BCL11A: variants seen among roughly 807,000 people sequenced by gnomAD.
The protein encoded by BCL11A is BCL11 transcription factor A, also known as B cell CLL/lymphoma 11A.
A neutral mutation model predicts 55.9 loss-of-function variants in BCL11A; 2 were observed. That is an observed-to-expected ratio of 0.04 (90% CI 0.01 to 0.11). The LOEUF (loss-of-function observed/expected upper bound fraction) is 0.11. Ranked by LOEUF, BCL11A falls within the 10% of genes least tolerant of loss-of-function variation. The pLI is 1.00. For synonymous variants in BCL11A, 465 were observed against 473.4 expected (o/e 0.98, Z 0.23); for missense variants, 817 against 1,137.1 (o/e 0.72, Z 4.05).
chr2:60,545,792 A>G, intron 2 of BCL11A, 179 bp downstream of exon 2: 3 of 614,194 alleles, frequency 4.9e-6, no homozygotes, highest in South Asian at 2.0e-5. Flanking sequence ...GAAAATATTT[A>G]TTTTTCTGTG....
chr2:60,507,830 C>T (rs1365629705), intron 2 of BCL11A, among the ~76,000 whole-genome samples: 2 of 152,116 alleles, frequency 1.3e-5, no homozygotes, highest in South Asian at 2.1e-4. Flanking sequence ...ATACAGGACA[C>T]GTCTTCACAG....
chr2:60,452,400 T>A, downstream of BCL11A: 1 of 550,866 alleles, frequency 1.8e-6, no homozygotes, highest in Admixed American at 3.1e-5. Context: ...TTAAAAAATA[T>A]AAATAAAATG....
chr2:60,524,948 A>G (rs527792373), intron 2 of BCL11A: 1 of 152,382 alleles, frequency 6.6e-6, no homozygotes, highest in South Asian at 2.1e-4. Flanking sequence ...AGAACAGGCC[A>G]TATGCTTTTA....
At chr2:60,506,913 A>G (rs1679629667) in intron 2 of BCL11A, among the ~76,000 whole-genome samples, 1 of 152,178 alleles carries the variant, frequency 6.6e-6, no homozygotes, top group African/African-American at 2.4e-5. Context: ...TGGGATCCAA[A>G]CTATTGAAAA....
chr2:60,466,879 G>A (rs986435321), intron 3 of BCL11A, among the ~76,000 whole-genome samples: 2 of 151,966 alleles, frequency 1.3e-5, no homozygotes, highest in African/African-American at 4.8e-5. Context: ...TGTGTTTAGG[G>A]TGGAATCACT....
chr2:60,550,333 A>T (rs1177949814), intron 1 of BCL11A, among the ~76,000 whole-genome samples: 1 of 152,198 alleles, frequency 6.6e-6, no homozygotes, highest in Non-Finnish European at 1.5e-5. Flanking sequence ...TTTTAAAGTC[A>T]AAATGAAGAA....
downstream of BCL11A, chr2:60,452,597 C>A (rs1192514663): frequency 5.0e-6 from 8 of 1,614,032 alleles, no homozygotes; most frequent in Non-Finnish European, 6.8e-6. Context: ...GGCTCTCGAG[C>A]TTCCATCCGA....
intron 2 of BCL11A, among the ~76,000 whole-genome samples, chr2:60,503,548 T>A (rs1405981852): frequency 6.6e-6 from 1 of 152,172 alleles, no homozygotes; most frequent in Admixed American, 6.5e-5. Context: ...AAATAATGTG[T>A]GGCGCTCAGG....
At chr2:60,481,391 C>G (rs1482716234) in intron 2 of BCL11A, among the ~76,000 whole-genome samples, 2 of 150,334 alleles carry the variant, frequency 1.3e-5, no homozygotes, top group African/African-American at 4.9e-5. Context: ...TCTCCCACGA[C>G]CTACACCAGG....
At chr2:60,543,997 A>T (rs753132971) in intron 2 of BCL11A, 8 of 152,230 alleles carry the variant, frequency 5.3e-5, no homozygotes, top group Non-Finnish European at 1.0e-4. Context: ...TTATTTCCCT[A>T]CATAGATTCA....
At position 60,462,103 on chromosome 2, in the gene BCL11A, G is replaced by A. The variant is rs750493078; in HGVS notation, c.809C>T (p.Pro270Leu). ...GCGGTGGGGGTCCAAGTGATGTCTC[G>A]GTGGTGGACTAAACAGGGGGGGAGT... Reference protein sequence around the residue: ...PPTPPLFSPPPRHHLDPHRIE... With the variant: ...PPTPPLFSPPLRHHLDPHRIE... Residue 270 changes from proline (P) to leucine (L), a missense_variant, in exon 4 of 4, where the codon CCG becomes CTG. Physicochemically the swap from Pro to Leu is moderately conservative, Grantham distance 98. Coordinates refer to ENST00000642384, the MANE Select transcript of BCL11A (RefSeq NM_022893.4). 4 of 1,559,786 alleles carry A rather than the reference G, an allele frequency of 2.6e-6. No homozygotes were observed. The highest frequency in any genetic ancestry group is 2.6e-6 in the Non-Finnish European group (3 of 1,154,700).
intron 2 of BCL11A, among the ~76,000 whole-genome samples, chr2:60,521,109 A>AC (rs1668971500): frequency 6.7e-6 from 1 of 149,024 alleles, no homozygotes; most frequent in African/African-American, 2.6e-5. Flanking sequence ...ACTCACACAC[A>AC]CACACACACA....
intron 2 of BCL11A, among the ~76,000 whole-genome samples, chr2:60,493,283 G>A (rs1167096470): frequency 6.6e-6 from 1 of 152,200 alleles, no homozygotes; most frequent in Admixed American, 6.5e-5. Flanking sequence ...AATGGACACT[G>A]TGTAGATGTG....
intron 2 of BCL11A, among the ~76,000 whole-genome samples, chr2:60,497,692 T>C (rs767936125): frequency 5.9e-5 from 9 of 152,156 alleles, no homozygotes; most frequent in Non-Finnish European, 1.0e-4. Context: ...TTAACATCCT[T>C]TACTTTTTTT....
intron 3 of BCL11A, among the ~76,000 whole-genome samples, chr2:60,467,363 A>C (rs1481325199): frequency 3.0e-5 from 1 of 33,116 alleles, no homozygotes; most frequent in Non-Finnish European, 5.9e-5. Context: ...GGTGGTGGTG[A>C]TGGTGGTGAT....
chr2:60,478,714 G>A (rs531557011), intron 2 of BCL11A, among the ~76,000 whole-genome samples: 89 of 152,368 alleles, frequency 5.8e-4, no homozygotes, highest in African/African-American at 2.0e-3. Context: ...AATAAAACTA[G>A]GCTGCCCTCT....
At position 60,468,763 on chromosome 2, in the gene BCL11A, C is replaced by T. The variant is rs1478421354; in HGVS notation, c.456G>A (p.Gly152=). Residue 152 remains glycine (G), a synonymous_variant, in exon 3 of 4, where the codon GGG becomes GGA. Transcript: ENST00000642384. ...SAHGALIPTP[G]MSAEYAPQGI... Reference sequence around the variant, plus strand: ...CCTGCGGGGCATATTCTGCACTCATCCCAGGCGTGGGGATTAGAGCTCCAT... The same window carrying T: ...CCTGCGGGGCATATTCTGCACTCATTCCAGGCGTGGGGATTAGAGCTCCAT... 1 of 1,611,726 alleles carries T rather than the reference C, an allele frequency of 6.2e-7. No homozygotes were observed. The highest frequency in any genetic ancestry group is 8.5e-7 in the Non-Finnish European group (1 of 1,179,274).
chr2:60,460,031 CCATACATGCTGTCT>C lies in BCL11A; in HGVS notation c.*359_*372del. On this transcript the variant is annotated 3_prime_UTR_variant, in exon 4 of 4. Coordinates refer to ENST00000642384, the MANE Select transcript of BCL11A (RefSeq NM_022893.4). ...GACAATTTAAAATAGCCATAACATA[CCATACATGCTGTCT>C]AAGTTTAAAAAAAAACATACACAAC... 1 of 1,081,250 alleles carries C rather than the reference CCATACATGCTGTCT, an allele frequency of 9.2e-7. No homozygotes were observed. 67.0% of individuals were successfully genotyped at this position (1,081,250 alleles called of 1,614,324 possible). A position where few individuals can be genotyped will look rare whatever the true frequency, so the allele number is the denominator to read the frequency against.
chr2:60,521,592 T>C (rs1668995648), intron 2 of BCL11A, among the ~76,000 whole-genome samples: 1 of 152,222 alleles, frequency 6.6e-6, no homozygotes, highest in Non-Finnish European at 1.5e-5. Flanking sequence ...CTCCCTTTCA[T>C]CTTCCATCTT....
Sources: allele counts gnomAD v4.1 joint callset (sites outside exome capture counted in the v4.1 genomes callset), GRCh38; gene constraint gnomAD v4.1.1; transcripts MANE v1.5; gene names NCBI Gene and HGNC (gene_info 2026-07-23, HGNC 2026-07-21).